SLC2A14: variants seen among roughly 807,000 people sequenced by gnomAD.
SLC2A14 encodes the protein solute carrier family 2 member 14, also known as solute carrier family 2, facilitated glucose transporter member 14.
In SLC2A14, 13 loss-of-function variants were observed where a neutral mutation model predicts 43.0. The ratio of observed to expected loss-of-function variants is 0.30; its 90% CI spans 0.20 to 0.48. SLC2A14 has a LOEUF of 0.48. Among genes scored for constraint, SLC2A14 ranks in the 20% least tolerant of loss-of-function variants. The pLI is 0.99. For missense variants in SLC2A14, 428 were observed against 620.4 expected (o/e 0.69, Z 3.29); for synonymous variants, 190 against 233.8 (o/e 0.81, Z 1.71).
Position 7,814,221 on chromosome 12 carries a change from C to T in SLC2A14, c.*95G>A, listed in dbSNP as rs1481203398. The T allele has an allele frequency of 1.4e-6, 2 of 1,440,280 alleles. No individual in the cohort carries two copies. The highest frequency in any genetic ancestry group is 2.8e-5 in the African/African-American group (2 of 71,018). The allele number at this position is 1,440,280 out of a possible 1,614,324, so 89.2% of individuals were successfully genotyped here. On this transcript the variant is annotated 3_prime_UTR_variant, in exon 11 of 11. Transcript: ENST00000431042. ...GAGAAAGAAATCAAGTAGCAGCATT[C>T]AGAAGCAGTCCTGGGTTCATCCTGA...
chr12:7,889,098 A>C (rs1333251926), intron 1 of SLC2A14, among the ~76,000 whole-genome samples: 2 of 152,110 alleles, frequency 1.3e-5, no homozygotes, highest in Non-Finnish European at 2.9e-5. Flanking sequence ...TCCAGACCCC[A>C]GGAGGGTTCT....
At chr12:7,821,028 A>G (rs764138220) in intron 8 of SLC2A14, among the ~76,000 whole-genome samples, 193 bp downstream of exon 8, 1 of 152,292 alleles carries the variant, frequency 6.6e-6, no homozygotes, top group African/African-American at 2.4e-5. Flanking sequence ...CTGAGGTTGC[A>G]GTGAGCCGAG....
At chr12:7,874,855 A>ATTATATATAAATACGTATTTATATATAAG (rs1945407948), upstream of SLC2A14, among the ~76,000 whole-genome samples, 1 of 115,524 alleles carries the variant, frequency 8.7e-6, no homozygotes, top group Non-Finnish European at 1.7e-5. Context: ...TTATATATAA[A>ATTATATATAAATACGTATTTATATATAAG]TTATATATAA....
intron 2 of SLC2A14, among the ~76,000 whole-genome samples, chr12:7,863,194 A>G (rs1944692366): frequency 6.6e-6 from 1 of 152,076 alleles, no homozygotes; most frequent in African/African-American, 2.4e-5. Flanking sequence ...ACCGGAAGGA[A>G]CGAACGACTC....
At position 7,887,523 on chromosome 12, in the gene SLC2A14, A is replaced by C. The variant is rs148229400; in HGVS notation, c.132+3473T>G. ...GAAAAATGAAAGTAATTGCCCTCAC[A>C]GAGCTTATATTCTAGTGATAGTAGG... On this transcript the variant is annotated intron_variant, in intron 1 of 9. Coordinates refer to the SLC2A14 transcript ENST00000539924. 3.0e-4 allele frequency among the ~76,000 whole-genome samples: 45 copies of C among 152,172 alleles called. No homozygotes were observed. The East Asian group carries it at 7.3e-3, about 25-fold the overall frequency.
chr12:7,854,731 G>A (rs1203008679), intron 2 of SLC2A14, among the ~76,000 whole-genome samples: 1 of 151,894 alleles, frequency 6.6e-6, no homozygotes, highest in Non-Finnish European at 1.5e-5. Flanking sequence ...TGGTCAGGCT[G>A]GTCTCAAACT....
chr12:7,826,834 T>TTTCTTTCC (rs138356665), intron 7 of SLC2A14, among the ~76,000 whole-genome samples: 6 of 29,562 alleles, frequency 2.0e-4, no homozygotes, highest in Admixed American at 4.5e-4. Flanking sequence ...TCTTTCTTTC[T>TTTCTTTCC]TTCCTTCCTT....
At chr12:7,888,408 G>A (rs1244127010) in intron 1 of SLC2A14, among the ~76,000 whole-genome samples, 1 of 152,096 alleles carries the variant, frequency 6.6e-6, no homozygotes, top group Non-Finnish European at 1.5e-5. Context: ...CGCACTCAAT[G>A]GTGGAAAACA....
intron 1 of SLC2A14, among the ~76,000 whole-genome samples, chr12:7,886,044 G>GT (rs762623427): frequency 1.3e-5 from 2 of 150,182 alleles, no homozygotes; most frequent in Non-Finnish European, 3.0e-5. Flanking sequence ...GAGTGCAGTG[G>GT]TGCGATCTCA....
At chr12:7,872,088 C>A in intron 1 of SLC2A14, 1 of 189,742 alleles carries the variant, frequency 5.3e-6, no homozygotes, top group Non-Finnish European at 9.8e-6. Flanking sequence ...TAAACTGGGA[C>A]AAAACTAATA....
At chr12:7,825,662 C>G (rs1406612094) in intron 7 of SLC2A14, among the ~76,000 whole-genome samples, 1 of 148,178 alleles carries the variant, frequency 6.7e-6, no homozygotes, top group Non-Finnish European at 1.5e-5. Flanking sequence ...ACTTGGGAGG[C>G]TGAGGCAGAA....
At chr12:7,849,558 C>CT (rs376892818) in intron 2 of SLC2A14, among the ~76,000 whole-genome samples, 6 of 151,442 alleles carry the variant, frequency 4.0e-5, no homozygotes, top group African/African-American at 7.3e-5. Flanking sequence ...ATTGAATGAG[C>CT]TTTTTTTTAA....
intron 7 of SLC2A14, among the ~76,000 whole-genome samples, chr12:7,822,586 G>C (rs921148502): frequency 6.6e-6 from 1 of 151,046 alleles, no homozygotes; most frequent in Non-Finnish European, 1.5e-5. Flanking sequence ...GGAGAATGGC[G>C]TGAACCTGGG....
At chr12:7,869,789 G>C (rs1945128785) in intron 2 of SLC2A14, 74 bp downstream of exon 2, 1 of 944,012 alleles carries the variant, frequency 1.1e-6, no homozygotes, top group South Asian at 1.5e-5. Flanking sequence ...AGTTTAGGAA[G>C]ATGATAGGTA....
chr12:7,841,531 G>C (rs1382754182), intron 2 of SLC2A14, among the ~76,000 whole-genome samples: 2 of 152,098 alleles, frequency 1.3e-5, no homozygotes, highest in Non-Finnish European at 2.9e-5. Context: ...AAAGTGCTAG[G>C]ATTACAGGCG....
At position 7,828,697 on chromosome 12, in the gene SLC2A14, TACTC is replaced by T. The variant is rs1440407348; in HGVS notation, c.676+3_676+6del. The T allele has an allele frequency of 1.9e-6, 3 of 1,613,324 alleles. No individual in the cohort carries two copies. The highest frequency in any genetic ancestry group is 2.5e-6 in the Non-Finnish European group (3 of 1,179,468). On this transcript the variant is annotated splice_donor_5th_base_variant and intron_variant, in intron 6 of 10. Transcript: ENST00000431042. The stretch of plus-strand genomic sequence containing the variant: ...ACTTTGTATACTAAAGAGTGAAAGA[TACTC>T]ACTCCGCGTAGCATTCTCCTCTTTT...
At chr12:7,828,681 A>G (rs1439140736) in intron 6 of SLC2A14, 23 bp downstream of exon 6, 2 of 1,612,934 alleles carry the variant, frequency 1.2e-6, no homozygotes, top group African/African-American at 2.7e-5. Flanking sequence ...TACTTTGTAT[A>G]CTAAAGAGTG....
chr12:7,887,641 C>T (rs894155484), intron 1 of SLC2A14, among the ~76,000 whole-genome samples: 1 of 151,908 alleles, frequency 6.6e-6, no homozygotes, highest in African/African-American at 2.4e-5. Context: ...TGTATGTTAC[C>T]TGTGTTGCCT....
intron 2 of SLC2A14, chr12:7,863,388 A>C: frequency 2.2e-6 from 1 of 453,516 alleles, no homozygotes; most frequent in Non-Finnish European, 4.4e-6. Flanking sequence ...GTGCGGCTTC[A>C]TTCTTGAAGT....
Sources: gnomAD v4.1 joint callset for allele counts (sites outside exome capture counted in the v4.1 genomes callset) on GRCh38, gnomAD v4.1.1 for gene constraint, MANE v1.5 for transcripts, NCBI Gene and HGNC (gene_info 2026-07-23, HGNC 2026-07-21) for gene names.